LRRTM4: variants seen among roughly 807,000 people sequenced by gnomAD.
LRRTM4 encodes leucine-rich repeat transmembrane neuronal protein 4.
Under a neutral mutation model 47.6 loss-of-function variants are expected in LRRTM4, and 25 were observed. That is an observed-to-expected ratio of 0.53 (90% CI 0.38 to 0.73). The LOEUF is 0.73. Ranked by LOEUF, LRRTM4 falls within the 30% of genes least tolerant of loss-of-function variation. LRRTM4 has a pLI of 0.00. For synonymous variants in LRRTM4, 311 were observed against 269.5 expected (o/e 1.15, Z -1.51); for missense variants, 638 against 713.4 (o/e 0.89, Z 1.20).
At chr2:77,294,597 G>A (rs1364291502) in intron 3 of LRRTM4, among the ~76,000 whole-genome samples, 1 of 152,088 alleles carries the variant, frequency 6.6e-6, no homozygotes, top group Non-Finnish European at 1.5e-5. Flanking sequence ...GCAGGAGAAT[G>A]CACATTAATG....
At chr2:77,052,698 A>G (rs890418007) in intron 3 of LRRTM4, among the ~76,000 whole-genome samples, 30 of 151,014 alleles carry the variant, frequency 2.0e-4, no homozygotes, top group African/African-American at 7.4e-4. Flanking sequence ...CTATTATTAC[A>G]AGAACGTGTT....
chr2:77,039,171 T>C (rs933469671), intron 3 of LRRTM4, among the ~76,000 whole-genome samples: 2 of 151,382 alleles, frequency 1.3e-5, no homozygotes, highest in Non-Finnish European at 3.0e-5. Flanking sequence ...TTAACAGATC[T>C]GTCATCTTAT....
In LRRTM4 at chr2:77,306,897, A is replaced by ATTT. The variant is rs774697360; in HGVS notation, c.1551+211418_1551+211420dup. ...AAATAGCTATATACTGCTTTTCCAT[A>ATTT]TTTTTTTTTTTTTTTTTTTTGAGAT... On this transcript the variant is annotated intron_variant, in intron 3 of 3. Transcript: ENST00000409884. 6.4e-3 allele frequency among the ~76,000 whole-genome samples: 719 copies of ATTT among 112,392 alleles called. 76 individuals carry two copies. The highest frequency in any genetic ancestry group is 0.046 in the South Asian group (157 of 3,416). 73.7% of individuals were successfully genotyped at this position (112,392 alleles called of 152,430 possible).
Position 77,122,053 on chromosome 2 carries a change from ATAT to A in LRRTM4, c.1552-373140_1552-373138del, listed in dbSNP as rs139052552. The stretch of plus-strand genomic sequence containing the variant: ...ACAATGTTTACATGTTTATATATAA[ATAT>A]TATTCTACCCAGTATGTATTACTTT... On this transcript the variant is annotated intron_variant, in intron 3 of 3. Coordinates refer to ENST00000409884, the MANE Select transcript of LRRTM4 (RefSeq NM_001134745.3). Among the ~76,000 whole-genome samples, 87 of 151,940 alleles carry A rather than the reference ATAT, an allele frequency of 5.7e-4. No individual in the cohort carries two copies. In the East Asian group the frequency reaches 0.014, roughly 24 times the overall value.
chr2:77,123,069 AT>A (rs1480348699), intron 3 of LRRTM4, among the ~76,000 whole-genome samples: 3 of 151,588 alleles, frequency 2.0e-5, no homozygotes, highest in African/African-American at 4.8e-5. Flanking sequence ...AAAAAGTTTT[AT>A]TTTTTTTCTA....
intron 3 of LRRTM4, among the ~76,000 whole-genome samples, chr2:77,313,321 C>T (rs1314421982): frequency 3.4e-5 from 5 of 148,226 alleles, no homozygotes; most frequent in African/African-American, 1.2e-4. Flanking sequence ...CTGGGATGTG[C>T]CCCCCTACCT....
intron 3 of LRRTM4, among the ~76,000 whole-genome samples, chr2:76,910,191 T>C (rs1034930903): frequency 1.3e-5 from 2 of 152,242 alleles, no homozygotes; most frequent in South Asian, 2.1e-4. Context: ...TTTATGTCCT[T>C]TGTAGGGACA....
At chr2:77,031,852 T>A (rs1678670699) in intron 3 of LRRTM4, among the ~76,000 whole-genome samples, 1 of 152,168 alleles carries the variant, frequency 6.6e-6, no homozygotes, top group African/African-American at 2.4e-5. Context: ...TCTGCCTACT[T>A]GACACGTCTT....
intron 3 of LRRTM4, among the ~76,000 whole-genome samples, chr2:77,515,861 T>C (rs2104115748): frequency 6.6e-6 from 1 of 151,854 alleles, no homozygotes; most frequent in African/African-American, 2.4e-5. Context: ...GTAATTAGGG[T>C]TTTCCCTATA....
intron 1 of LRRTM4, 108 bp downstream of exon 1, chr2:77,522,001 A>C: frequency 1.5e-6 from 1 of 686,180 alleles, no homozygotes; most frequent in Admixed American, 2.1e-5. Context: ...AATTCACCAG[A>C]GACCCATCAG....
At chr2:77,330,033 A>G (rs917335471) in intron 3 of LRRTM4, among the ~76,000 whole-genome samples, 3 of 152,084 alleles carry the variant, frequency 2.0e-5, no homozygotes, top group Non-Finnish European at 2.9e-5. Context: ...GCAAAGGACC[A>G]TGGAAGGCAG....
At chr2:77,476,618 C>T (rs1331877785) in intron 3 of LRRTM4, among the ~76,000 whole-genome samples, 1 of 152,036 alleles carries the variant, frequency 6.6e-6, no homozygotes, top group Non-Finnish European at 1.5e-5. Context: ...TTTGGAAAAT[C>T]TTTACTATGG....
chr2:77,100,060 C>T (rs1416132145), intron 3 of LRRTM4, among the ~76,000 whole-genome samples: 7 of 151,916 alleles, frequency 4.6e-5, no homozygotes, highest in Non-Finnish European at 7.4e-5. Context: ...TCCTCTTGGT[C>T]CTTTAAGTAA....
At chr2:76,983,920 C>T (rs1315825205) in intron 3 of LRRTM4, among the ~76,000 whole-genome samples, 1 of 151,986 alleles carries the variant, frequency 6.6e-6, no homozygotes, top group Non-Finnish European at 1.5e-5. Flanking sequence ...ATGACATGCA[C>T]CTATTTTTCA....
intron 3 of LRRTM4, among the ~76,000 whole-genome samples, chr2:77,165,296 G>A (rs986936864): frequency 2.6e-5 from 4 of 151,990 alleles, no homozygotes; most frequent in East Asian, 1.9e-4. Context: ...ACCAATAACC[G>A]GCTCTGAAAT....
chr2:76,890,834 G>T (rs555726109), intron 3 of LRRTM4, among the ~76,000 whole-genome samples: 11 of 151,808 alleles, frequency 7.2e-5, no homozygotes, highest in Non-Finnish European at 2.9e-5. Context: ...AGCCAATGGC[G>T]ACTTGCATGC....
rs373541634 is a variant in LRRTM4, at chr2:77,175,240, T to C, written c.1551+343078A>G. 2.3e-3 allele frequency among the ~76,000 whole-genome samples: 346 copies of C among 151,984 alleles called. 1 individual carries two copies. Among genetic ancestry groups the C allele is most frequent in the South Asian group, 8.3e-3 (40 of 4,804 alleles). On this transcript the variant is annotated intron_variant, in intron 3 of 3. Transcript: ENST00000409884. ...GTGCACCACCACTGTTGGGAAAAGC[T>C]GAGTCTCGGGAGAAGCTGAGGCAGG...
chr2:77,007,348 A>T (rs1677694626), intron 3 of LRRTM4, among the ~76,000 whole-genome samples: 1 of 152,168 alleles, frequency 6.6e-6, no homozygotes, highest in South Asian at 2.1e-4. Context: ...AACTTTAGAC[A>T]CAGTGCAAAA....
intron 3 of LRRTM4, among the ~76,000 whole-genome samples, chr2:77,125,353 C>T (rs2103963808): frequency 6.6e-6 from 1 of 152,276 alleles, no homozygotes; most frequent in South Asian, 2.1e-4. Flanking sequence ...AGGTTTCCAT[C>T]ACAGATAGAG....
Sources: allele counts gnomAD v4.1 joint callset (sites outside exome capture counted in the v4.1 genomes callset), GRCh38; gene constraint gnomAD v4.1.1; transcripts MANE v1.5; gene names NCBI Gene and HGNC (gene_info 2026-07-23, HGNC 2026-07-21).